SYNJ2: variants seen among roughly 807,000 people sequenced by gnomAD.
SYNJ2 encodes synaptojanin 2, also known as polyphosphatidylinositol phosphatase SYNJ2.
In SYNJ2, 116 loss-of-function variants were observed where a neutral mutation model predicts 141.3. That is an observed-to-expected ratio of 0.82 (90% confidence interval 0.71 to 0.96). The LOEUF is 0.96. SYNJ2 is among the 40% of genes least tolerant of loss of function. The pLI, the probability that SYNJ2 is intolerant of heterozygous loss-of-function variation, is 0.00. For missense variants in SYNJ2, 1,873 were observed against 1,934.8 expected (o/e 0.97, Z 0.60); for synonymous variants, 745 against 777.7 (o/e 0.96, Z 0.70).
chr6:158,059,533 A>G (rs143819733), intron 7 of SYNJ2, 180 bp downstream of exon 7: 27,819 of 1,379,060 alleles, frequency 0.02, 349 homozygotes, highest in Non-Finnish European at 0.024. Context: ...TCGGGCCCTG[A>G]TACAGTGAGT....
chr6:158,078,117 T>C (rs1782433563), intron 17 of SYNJ2, 47 bp from the exon 18 acceptor site: 2 of 1,260,502 alleles, frequency 1.6e-6, no homozygotes, highest in South Asian at 1.2e-5. Flanking sequence ...TTCTTGGATA[T>C]TGACTCGATT....
chr6:158,016,178 A>T (rs1306718004), intron 1 of SYNJ2, among the ~76,000 whole-genome samples: 1 of 152,136 alleles, frequency 6.6e-6, no homozygotes, highest in Non-Finnish European at 1.5e-5. Context: ...CAGTGGCGTA[A>T]TTTCGGCTCA....
intron 16 of SYNJ2, 43 bp downstream of exon 16, chr6:158,074,781 AT>A (rs1782161754): frequency 1.2e-6 from 2 of 1,601,654 alleles, no homozygotes; most frequent in Non-Finnish European, 1.7e-6. Context: ...CTGCTCCAAG[AT>A]GGAATGACAT....
At chr6:157,985,846 G>A (rs144941091) in intron 1 of SYNJ2, among the ~76,000 whole-genome samples, 168 of 152,304 alleles carry the variant, frequency 1.1e-3, no homozygotes, top group African/African-American at 3.6e-3. Flanking sequence ...GGAGACTTGA[G>A]AGAATTAATT....
intron 4 of SYNJ2, among the ~76,000 whole-genome samples, chr6:158,036,119 A>C (rs1265819777): frequency 6.6e-6 from 1 of 152,226 alleles, no homozygotes; most frequent in Non-Finnish European, 1.5e-5. Context: ...CTACCCCCTC[A>C]CACAAGTCAA....
At chr6:158,018,699 T>G (rs1253541400) in intron 2 of SYNJ2, among the ~76,000 whole-genome samples, 1 of 152,244 alleles carries the variant, frequency 6.6e-6, no homozygotes, top group Non-Finnish European at 1.5e-5. Context: ...TAGCCGTACA[T>G]TCACTTATTT....
rs370812713 is a variant in SYNJ2, at chr6:158,064,983, C to T, written c.1517C>T (p.Ala506Val). 7.2e-5 allele frequency: 113 copies of T among 1,576,372 alleles called. No homozygotes were observed. Among genetic ancestry groups the T allele is most frequent in the South Asian group, 1.3e-4 (11 of 86,730 alleles). The change falls in exon 11 of 27, where the codon GCG (alanine) becomes GTG (valine). Residue 506 changes from alanine to valine, a missense_variant. Transcript: ENST00000355585. The part of the protein sequence containing the change: ...DKGGMLLDST[A>V]LLVTPRILKA... The stretch of plus-strand genomic sequence containing the variant: ...GGGGGCATGCTGCTGGACAGCACGG[C>T]GCTCCTGGGTAGGGCCTGCCGCAGA...
At chr6:158,008,996 C>G (rs540265921) in intron 1 of SYNJ2, among the ~76,000 whole-genome samples, 7 of 152,320 alleles carry the variant, frequency 4.6e-5, no homozygotes, top group African/African-American at 1.7e-4. Context: ...CTGGGGCTTG[C>G]ACTGGTCAGG....
intron 1 of SYNJ2, among the ~76,000 whole-genome samples, chr6:158,000,251 C>T (rs1408711766): frequency 6.6e-6 from 1 of 152,076 alleles, no homozygotes; most frequent in Non-Finnish European, 1.5e-5. Flanking sequence ...CTCCTAGAGA[C>T]AGACAGGGCC....
chr6:158,053,373 TATC>T (rs1318887174), intron 5 of SYNJ2, among the ~76,000 whole-genome samples: 1 of 152,238 alleles, frequency 6.6e-6, no homozygotes. Context: ...CCTTAAGATT[TATC>T]ATCAACAGAT....
chr6:158,082,292 G>A (rs1782742882), intron 20 of SYNJ2, among the ~76,000 whole-genome samples: 1 of 152,050 alleles, frequency 6.6e-6, no homozygotes, highest in Admixed American at 6.6e-5. Flanking sequence ...TTCGAGACCA[G>A]CCTGGCCAAC....
intron 15 of SYNJ2, among the ~76,000 whole-genome samples, chr6:158,072,093 G>A (rs905686232): frequency 1.4e-4 from 21 of 152,338 alleles, no homozygotes; most frequent in African/African-American, 5.1e-4. Flanking sequence ...TTCAAGTGAT[G>A]GTTTAGGGAA....
chr6:158,071,556 C>A lies in SYNJ2; in HGVS notation c.1941-46C>A. 1 of 1,582,482 alleles carries A rather than the reference C, an allele frequency of 6.3e-7. No individual in the cohort carries two copies. Among genetic ancestry groups the A allele is most frequent in the Non-Finnish European group, 8.6e-7 (1 of 1,164,492 alleles). ...TTCTCTGTGGCAAAGCAGGGTCACACTTCTCCTTCAGGAGCCGACGGCATG... is the reference window on the plus strand; with the variant it reads ...TTCTCTGTGGCAAAGCAGGGTCACAATTCTCCTTCAGGAGCCGACGGCATG... On this transcript the variant is annotated intron_variant, in intron 14 of 26. Coordinates refer to ENST00000355585, the MANE Select transcript of SYNJ2 (RefSeq NM_003898.4). The surrounding 1 kb of genome is among the most constrained non-coding windows in gnomAD (Gnocchi z 4.3).
intron 2 of SYNJ2, among the ~76,000 whole-genome samples, chr6:158,023,658 C>T (rs1778892658): frequency 6.6e-6 from 1 of 152,118 alleles, no homozygotes; most frequent in Non-Finnish European, 1.5e-5. Flanking sequence ...AGAGGGTAGG[C>T]CCTTCTCTCT....
At chr6:158,045,942 C>CTTGTT (rs917350284) in intron 5 of SYNJ2, among the ~76,000 whole-genome samples, 7 of 151,750 alleles carry the variant, frequency 4.6e-5, no homozygotes, top group Admixed American at 1.3e-4. Flanking sequence ...CTTTTTGTTT[C>CTTGTT]TTGTTTTGTT....
Position 158,027,135 on chromosome 6 carries a change from A to G in SYNJ2, c.215-1621A>G. Reference sequence around the variant, plus strand: ...AATGACAGCCACACGCCACCCTGCCACAAGCAGCGCTCTTCTCCCTATGAA... The same window carrying G: ...AATGACAGCCACACGCCACCCTGCCGCAAGCAGCGCTCTTCTCCCTATGAA... On this transcript the variant is annotated intron_variant, in intron 2 of 26. Transcript: ENST00000355585. The surrounding 1 kb of genome is among the most constrained non-coding windows in gnomAD (Gnocchi z 4.6). The G allele has an allele frequency of 2.0e-6, 2 of 985,360 alleles. No individual in the cohort carries two copies. The highest frequency in any genetic ancestry group is 9.4e-5 in the South Asian group (2 of 21,282). The allele number at this position is 985,360 out of a possible 1,614,324, so 61.0% of individuals were successfully genotyped here. A position where few individuals can be genotyped will look rare whatever the true frequency, so the allele number is the denominator to read the frequency against.
At chr6:158,091,349 A>G (rs1385146959) in intron 25 of SYNJ2, among the ~76,000 whole-genome samples, 1 of 151,946 alleles carries the variant, frequency 6.6e-6, no homozygotes, top group Non-Finnish European at 1.5e-5. Flanking sequence ...AAAAATAACT[A>G]AAACTATGGA....
chr6:158,003,384 A>G (rs1777932075), intron 1 of SYNJ2, among the ~76,000 whole-genome samples: 1 of 152,158 alleles, frequency 6.6e-6, no homozygotes, highest in Non-Finnish European at 1.5e-5. Context: ...CTGTCTTGGG[A>G]AAACCACTGT....
At chr6:158,055,173 A>G in intron 6 of SYNJ2, 145 bp downstream of exon 6, 1 of 769,282 alleles carries the variant, frequency 1.3e-6, no homozygotes, top group Non-Finnish European at 2.0e-6. Context: ...TCCTTTATGC[A>G]AGAAGGGAGA....
Sources: gnomAD v4.1 joint callset for allele counts (sites outside exome capture counted in the v4.1 genomes callset) on GRCh38, gnomAD v4.1.1 for gene constraint, Gnocchi (gnomAD v3.1) non-coding constraint, MANE v1.5 for transcripts, NCBI Gene and HGNC (gene_info 2026-07-23, HGNC 2026-07-21) for gene names.